The following NUP210L variants were observed in gnomAD, a reference collection of about 807,000 sequenced individuals.
NUP210L encodes nucleoporin 210 like, also known as nuclear pore membrane glycoprotein 210-like.
Under a neutral mutation model 208.5 loss-of-function variants are expected in NUP210L, and 74 were observed. That is an observed-to-expected ratio of 0.35 (90% CI 0.29 to 0.43). NUP210L has a LOEUF of 0.43. Ranked by LOEUF, NUP210L falls within the 20% of genes least tolerant of loss-of-function variation. NUP210L has a pLI of 1.00. For missense variants in NUP210L, 1,843 were observed against 2,289.4 expected, an observed-to-expected ratio of 0.81 and a Z score of 3.98; for synonymous variants, 780 against 816.9, an observed-to-expected ratio of 0.95 and a Z score of 0.77.
At chr1:154,067,277 G>A (rs1489747878) in intron 17 of NUP210L, among the ~76,000 whole-genome samples, 2 of 151,924 alleles carry the variant, frequency 1.3e-5, no homozygotes, top group African/African-American at 4.8e-5. Context: ...TGGGATGCAA[G>A]GCTGGTTCAA....
At chr1:154,058,787 T>A in intron 20 of NUP210L, 94 bp from the exon 21 acceptor site, 1 of 1,299,792 alleles carries the variant, frequency 7.7e-7, no homozygotes, top group Non-Finnish European at 1.1e-6. Flanking sequence ...ATAGAAAACA[T>A]CTTGCTTTCT....
At chr1:154,019,060 C>G in exon 33 of NUP210L, 1 of 1,614,022 alleles carries the variant, frequency 6.2e-7, no homozygotes, top group Non-Finnish European at 8.5e-7. Flanking sequence ...CATCCATATC[C>G]CAGGTTCACC....
At chr1:153,993,054 G>C in exon 39 of NUP210L, 2 of 1,613,752 alleles carry the variant, frequency 1.2e-6, no homozygotes, top group Non-Finnish European at 1.7e-6. Context: ...TACACAACTG[G>C]AACTGTTTGT....
chr1:154,107,186 C>T (rs776747508), intron 12 of NUP210L, among the ~76,000 whole-genome samples: 2 of 151,968 alleles, frequency 1.3e-5, no homozygotes, highest in Non-Finnish European at 2.9e-5. Context: ...AGCAGAAATC[C>T]TGGAGCTGAA....
intron 27 of NUP210L, among the ~76,000 whole-genome samples, chr1:154,034,082 C>T (rs1052019488): frequency 3.3e-5 from 5 of 151,922 alleles, no homozygotes; most frequent in Admixed American, 2.6e-4. Context: ...ATTCAGTTTG[C>T]TAGTATTTTC....
At chr1:153,992,755 AG>A in exon 40 of NUP210L, 1 of 888,730 alleles carries the variant, frequency 1.1e-6, no homozygotes, top group Non-Finnish European at 1.8e-6. Flanking sequence ...AACTTAATGT[AG>A]AAGTTGCTGT....
intron 2 of NUP210L, among the ~76,000 whole-genome samples, chr1:154,146,891 A>C (rs1659146826): frequency 1.3e-5 from 2 of 152,034 alleles, no homozygotes; most frequent in African/African-American, 4.8e-5. Flanking sequence ...TGGCACAATC[A>C]TAGCTCACTG....
chr1:154,143,952 T>C (rs1279112852), intron 2 of NUP210L, among the ~76,000 whole-genome samples: 1 of 152,144 alleles, frequency 6.6e-6, no homozygotes, highest in South Asian at 2.1e-4. Flanking sequence ...GAGGCTGAGG[T>C]GGGCAGATCA....
intron 27 of NUP210L, among the ~76,000 whole-genome samples, chr1:154,045,782 G>A (rs888328292): frequency 2.0e-5 from 3 of 152,102 alleles, no homozygotes; most frequent in African/African-American, 7.2e-5. Flanking sequence ...AGGAGCTCAA[G>A]AACAGCCTGG....
At chr1:154,037,639 T>C (rs1032616219) in intron 27 of NUP210L, among the ~76,000 whole-genome samples, 6 of 152,180 alleles carry the variant, frequency 3.9e-5, no homozygotes, top group African/African-American at 1.4e-4. Flanking sequence ...TTTTAAATCC[T>C]TTCAGCCACT....
At chr1:154,109,680 A>C (rs1656945920) in intron 12 of NUP210L, among the ~76,000 whole-genome samples, 1 of 151,700 alleles carries the variant, frequency 6.6e-6, no homozygotes, top group African/African-American at 2.4e-5. Context: ...ATTCAAAAAA[A>C]TTGAAACTAT....
rs1407771339 is a variant in NUP210L at position 154,136,302 on chromosome 1, A to G, written c.851-330T>C. On this transcript the variant is annotated intron_variant, in intron 6 of 39. Transcript: ENST00000368559. ...CCCCGTCTCTACTAAAAATACCAAA[A>G]TTAGCCGGGCGTGATGGCGTGTGCC... 5.1e-4 allele frequency among the ~76,000 whole-genome samples: 78 copies of G among 151,988 alleles called. 1 individual carries two copies. Among genetic ancestry groups the G allele is most frequent in the Non-Finnish European group, 1.3e-4 (9 of 67,984 alleles).
At chr1:154,003,941 C>A (rs768063717) in intron 35 of NUP210L, among the ~76,000 whole-genome samples, 2 of 152,126 alleles carry the variant, frequency 1.3e-5, no homozygotes, top group Admixed American at 6.6e-5. Flanking sequence ...TGGATTATTG[C>A]AATTGGATAA....
chr1:154,070,372 C>G, exon 17 of NUP210L: 1 of 1,613,516 alleles, frequency 6.2e-7, no homozygotes, highest in Non-Finnish European at 8.5e-7. Flanking sequence ...GATTTCCATT[C>G]TAGCATTAGT....
chr1:153,996,019 G>A (rs1030542241), intron 37 of NUP210L: 12 of 374,296 alleles, frequency 3.2e-5, no homozygotes, highest in Non-Finnish European at 5.7e-5. Context: ...GCGGCCTGGC[G>A]TGGTGGCTCA....
chr1:154,049,131 A>G (rs1046590984), intron 25 of NUP210L, among the ~76,000 whole-genome samples: 1 of 152,218 alleles, frequency 6.6e-6, no homozygotes, highest in Non-Finnish European at 1.5e-5. Context: ...TGTGTGGCCA[A>G]TTCAACCCGC....
intron 27 of NUP210L, among the ~76,000 whole-genome samples, 192 bp downstream of exon 27, chr1:154,045,877 C>T (rs542838231): frequency 2.4e-4 from 36 of 152,130 alleles, no homozygotes; most frequent in East Asian, 3.9e-4. Context: ...CCCAGCTACT[C>T]GGGAGGCTGA....
chr1:154,092,326 G>A (rs577600077), intron 15 of NUP210L, among the ~76,000 whole-genome samples: 4 of 150,180 alleles, frequency 2.7e-5, no homozygotes, highest in South Asian at 2.1e-4. Flanking sequence ...TGATCCGCCC[G>A]CCTCGTCCTC....
intron 23 of NUP210L, among the ~76,000 whole-genome samples, chr1:154,055,542 C>T (rs938954265): frequency 3.3e-5 from 5 of 151,910 alleles, no homozygotes; most frequent in South Asian, 2.1e-4. Context: ...TGAGCTACCA[C>T]GCCTGTCCAT....
Sources: allele counts gnomAD v4.1 joint callset (sites outside exome capture counted in the v4.1 genomes callset), GRCh38; gene constraint gnomAD v4.1.1; transcripts MANE v1.5; gene names NCBI Gene and HGNC (gene_info 2026-07-23, HGNC 2026-07-21).